Variants in COPRS observed in about 807,000 individuals in gnomAD.
COPRS encodes coordinator of PRMT5 and differentiation stimulator, also known as cooperator of PRMT5.
A neutral mutation model predicts 19.9 loss-of-function variants in COPRS; 11 were observed. The ratio of observed to expected loss-of-function variants is 0.55; its 90% CI spans 0.35 to 0.92. The LOEUF (loss-of-function observed/expected upper bound fraction) is 0.92. Among genes scored for constraint, COPRS ranks in the 40% least tolerant of loss-of-function variants. The probability of loss-of-function intolerance (pLI) is 0.01; values close to 1 mark genes in which losing one functional copy is unlikely to be tolerated. For missense variants in COPRS, 225 were observed against 229.9 expected, an observed-to-expected ratio of 0.98 and a Z score of 0.14; for synonymous variants, 81 against 82.7, an observed-to-expected ratio of 0.98 and a Z score of 0.11.
Position 31,852,106 on chromosome 17 carries a change from G to A in COPRS, c.*33C>T, listed in dbSNP as rs1909182015. On this transcript the variant is annotated 3_prime_UTR_variant, in exon 4 of 4. Transcript: ENST00000302362. ...CAGGAAAAGAGATCTTGACGTGGAG[G>A]CCCGCCCACCTACAAGGCAGAAAGC... The A allele has an allele frequency of 6.2e-7, 1 of 1,612,110 alleles. No homozygotes were observed. The highest frequency in any genetic ancestry group is 8.5e-7 in the Non-Finnish European group (1 of 1,179,410).
At position 31,853,102 on chromosome 17, in the gene COPRS, G is replaced by A. The variant is rs576594442; in HGVS notation, c.167-72C>T. ...CCTGCTCTGTGCTCAGTAAATTTTG[G>A]GCAGACTTACTACGAAGGTAGTAAA... On this transcript the variant is annotated intron_variant, in intron 2 of 3. Transcript: ENST00000302362. 6 of 1,171,640 alleles carry A rather than the reference G, an allele frequency of 5.1e-6. No homozygotes were observed. The African/African-American group carries it at 9.1e-5, about 18-fold the overall frequency. 72.6% of individuals were successfully genotyped at this position (1,171,640 alleles called of 1,614,324 possible).
In COPRS at chr17:31,852,300, C is replaced by T. The variant is rs202013617; in HGVS notation, c.394G>A (p.Asp132Asn). The T allele has an allele frequency of 6.9e-6, 11 of 1,604,420 alleles. No homozygotes were observed. The highest frequency in any genetic ancestry group is 1.7e-5 in the Admixed American group (1 of 58,228). The change falls in exon 4 of 4, where the codon GAC (aspartate) becomes AAC (asparagine). Residue 132 changes from aspartate (D) to asparagine (N), a missense_variant. Asp to Asn is a conservative substitution (Grantham distance 23, BLOSUM62 1). Around this residue, in one of 3 missense-constraint regions of COPRS, gnomAD observed 170 missense variants for 171.4 expected, o/e 0.99. Transcript: ENST00000302362. ...TCTTGAGAAATGCTCTCCTGGATGTCGTCAGCATCTGCAGGCAGTTTTAAA... is the reference window on the plus strand; with the variant it reads ...TCTTGAGAAATGCTCTCCTGGATGTTGTCAGCATCTGCAGGCAGTTTTAAA... ...ADQGNPYDAD[D>N]IQESISQELK...
chr17:31,852,864 AAGATC>A lies in COPRS; in HGVS notation c.328_332del (p.Asp110PhefsTer2). ...ACTCCGAGTCCCAGTCCTCATTAAAAAGATCGCCAGGCTGTTCCTTGGGTGGACAG... is the reference window on the plus strand; with the variant it reads ...ACTCCGAGTCCCAGTCCTCATTAAAAGCCAGGCTGTTCCTTGGGTGGACAG... On this transcript the variant is annotated frameshift_variant, in exon 3 of 4. Coordinates refer to ENST00000302362, the MANE Select transcript of COPRS (RefSeq NM_018405.4). LOFTEE classifies it high-confidence loss of function. 6.2e-7 allele frequency: 1 copy of A among 1,614,200 alleles called. No homozygotes were observed. The highest frequency in any genetic ancestry group is 8.5e-7 in the Non-Finnish European group (1 of 1,180,018).
At position 31,856,805 on chromosome 17, in the gene COPRS, G is replaced by C; in HGVS notation, c.160C>G (p.Arg54Gly). 1.9e-6 allele frequency: 3 copies of C among 1,600,160 alleles called. No homozygotes were observed. Among genetic ancestry groups the C allele is most frequent in the Non-Finnish European group, 2.6e-6 (3 of 1,167,512 alleles). ...QERETEKAMD[R>G]LARGTQSIPN... is the part of the protein sequence containing the mutation. Reference sequence around the variant, plus strand: ...GTCTCTGCCATCTACTTGCCTAGTCGATCCATAGCCTTCTCAGTCTCTCTC... The same window carrying C: ...GTCTCTGCCATCTACTTGCCTAGTCCATCCATAGCCTTCTCAGTCTCTCTC... Residue 54 changes from arginine to glycine, a missense_variant, in exon 2 of 4, where the codon CGA becomes GGA. By Grantham distance (125) the Arg-to-Gly change is moderately radical. Transcript: ENST00000302362.
chr17:31,855,583 G>A (rs933693751), intron 2 of COPRS, among the ~76,000 whole-genome samples: 1 of 152,150 alleles, frequency 6.6e-6, no homozygotes, highest in Non-Finnish European at 1.5e-5. Flanking sequence ...CTACTCAGGA[G>A]GCTGAGGCAC....
At chr17:31,857,298 T>C (rs1254633630) in intron 1 of COPRS, among the ~76,000 whole-genome samples, 2 of 152,198 alleles carry the variant, frequency 1.3e-5, no homozygotes, top group East Asian at 3.8e-4. Context: ...GCCTTTTCCC[T>C]AAGCTTTTAA....
At chr17:31,856,234 CT>C (rs1301211568) in intron 2 of COPRS, among the ~76,000 whole-genome samples, 2 of 152,042 alleles carry the variant, frequency 1.3e-5, no homozygotes, top group Non-Finnish European at 2.9e-5. Context: ...ACTCGGGAGG[CT>C]GAGGCAGGAG....
Position 31,851,912 on chromosome 17 carries a change from T to C in COPRS, c.*227A>G, listed in dbSNP as rs1909175195. The C allele has an allele frequency of 5.8e-6, 3 of 515,490 alleles. No homozygotes were observed. Among genetic ancestry groups the C allele is most frequent in the Admixed American group, 3.5e-5 (1 of 28,254 alleles). The allele number at this position is 515,490 out of a possible 1,614,324, so 31.9% of individuals were successfully genotyped here. A position where few individuals can be genotyped will look rare whatever the true frequency, so the allele number is the denominator to read the frequency against. On this transcript the variant is annotated 3_prime_UTR_variant, in exon 4 of 4. Transcript: ENST00000302362. ...TTATTTACAAAGAACACAACTCCTC[T>C]TGACACAAACACACACACATTTCAA...
At chr17:31,858,705 G>C in intron 1 of COPRS, 1 of 1,515,714 alleles carries the variant, frequency 6.6e-7, no homozygotes, top group Non-Finnish European at 9.0e-7. Flanking sequence ...CCCCACCAAC[G>C]GACAGAGGTC....
rs1205341583 is a variant in COPRS, at chr17:31,859,053, C to A, written c.99+48G>T. On this transcript the variant is annotated intron_variant, in intron 1 of 3. Transcript: ENST00000302362. ...CCCAGCCCGGCCCCGCGACTTCCCGCCCCAGGCTGCGGCTGGCTGTTGCTC... is the reference window on the plus strand; with the variant it reads ...CCCAGCCCGGCCCCGCGACTTCCCGACCCAGGCTGCGGCTGGCTGTTGCTC... The A allele has an allele frequency of 6.1e-6, 7 of 1,155,682 alleles. No individual in the cohort carries two copies. In the South Asian group the frequency reaches 2.3e-4, roughly 39 times the overall value. 71.6% of individuals were successfully genotyped at this position (1,155,682 alleles called of 1,614,324 possible).
At chr17:31,855,306 T>C (rs1339685801) in intron 2 of COPRS, among the ~76,000 whole-genome samples, 3 of 151,824 alleles carry the variant, frequency 2.0e-5, no homozygotes, top group Admixed American at 1.3e-4. Flanking sequence ...GGTCAGGAGA[T>C]CGAGACCATC....
In COPRS at chr17:31,856,951, C is replaced by CT. The variant is rs57307641; in HGVS notation, c.100-87dup. 3,428 of 811,882 alleles carry CT rather than the reference C, an allele frequency of 4.2e-3. 104 individuals carry two copies. The East Asian group carries it at 0.067, about 16-fold the overall frequency. 50.3% of individuals were successfully genotyped at this position (811,882 alleles called of 1,614,324 possible). ...CTATTGCATCTCAACCCCACCCACT[C>CT]TTCCATACTCCCCTTGGTGATGCAG... is the stretch of plus-strand genomic sequence containing the variant. On this transcript the variant is annotated intron_variant, in intron 1 of 3. Coordinates refer to ENST00000302362, the MANE Select transcript of COPRS (RefSeq NM_018405.4).
rs1210071657 is a variant in COPRS, at chr17:31,853,015, C to T, written c.182G>A (p.Ser61Asn). Reference sequence around the variant, plus strand: ...CCGGGCAGGACTGTCATTAGGAATGCTCTGTGTTCCACGGGCTAAATTGAC... The same window carrying T: ...CCGGGCAGGACTGTCATTAGGAATGTTCTGTGTTCCACGGGCTAAATTGAC... ...AMDRLARGTQSIPNDSPARGE... is the reference protein window; with the variant it reads ...AMDRLARGTQNIPNDSPARGE... The change falls in exon 3 of 4, where the codon AGC becomes AAC. Residue 61 changes from serine to asparagine, a missense_variant. Physicochemically the swap from Ser to Asn is conservative, Grantham distance 46. This residue lies in a region of COPRS where 170 missense variants were observed against 171.4 expected (regional missense o/e 0.99). Transcript: ENST00000302362. 3 of 1,613,560 alleles carry T rather than the reference C, an allele frequency of 1.9e-6. No individual in the cohort carries two copies. The highest frequency in any genetic ancestry group is 3.3e-5 in the Admixed American group (2 of 59,994).
chr17:31,856,045 T>C (rs1307161423), intron 2 of COPRS, among the ~76,000 whole-genome samples: 1 of 150,114 alleles, frequency 6.7e-6, no homozygotes, highest in Non-Finnish European at 1.5e-5. Context: ...CATGCCTTTG[T>C]AATCCCAGCA....
chr17:31,859,124 G>T lies in COPRS; in HGVS notation c.76C>A (p.Arg26=). The change falls in exon 1 of 4, where the codon CGG becomes AGG. Residue 26 remains arginine, a synonymous_variant. Coordinates refer to ENST00000302362, the MANE Select transcript of COPRS (RefSeq NM_018405.4). The stretch of plus-strand genomic sequence containing the variant: ...ACCTCCGGGCTGGGGGGCGCCCCCC[G>T]CGCGCTAGGCAGCGGCGGGCCCCGA... ...PSRGPPLPSA[R]GAPPSPEAGF... The T allele has an allele frequency of 9.2e-7, 1 of 1,083,944 alleles. No homozygotes were observed. Among genetic ancestry groups the T allele is most frequent in the Non-Finnish European group, 1.1e-6 (1 of 896,686 alleles). 67.1% of individuals were successfully genotyped at this position (1,083,944 alleles called of 1,614,324 possible). A position where few individuals can be genotyped will look rare whatever the true frequency, so the allele number is the denominator to read the frequency against.
intron 1 of COPRS, among the ~76,000 whole-genome samples, chr17:31,857,380 A>G (rs1909394950): frequency 2.0e-5 from 3 of 152,212 alleles, no homozygotes; most frequent in Admixed American, 2.0e-4. Flanking sequence ...TGCCACCCCC[A>G]GGTACACGTT....
intron 2 of COPRS, among the ~76,000 whole-genome samples, chr17:31,855,310 G>A (rs1399811269): frequency 2.6e-5 from 4 of 152,106 alleles, no homozygotes; most frequent in African/African-American, 9.7e-5. Context: ...AGGAGATCGA[G>A]ACCATCCTAA....
At chr17:31,853,695 T>C (rs1260452444) in intron 2 of COPRS, among the ~76,000 whole-genome samples, 2 of 152,158 alleles carry the variant, frequency 1.3e-5, no homozygotes, top group Admixed American at 6.5e-5. Flanking sequence ...TGCTCTTTTA[T>C]TCCTCCCTTC....
Position 31,858,508 on chromosome 17 carries a change from C to A in COPRS, c.99+593G>T, listed in dbSNP as rs930343163. 6.5e-6 allele frequency: 4 copies of A among 612,950 alleles called. No individual in the cohort carries two copies. In the African/African-American group the frequency reaches 8.0e-5, roughly 12 times the overall value. The allele number at this position is 612,950 out of a possible 1,614,324, so 38.0% of individuals were successfully genotyped here. A position where few individuals can be genotyped will look rare whatever the true frequency, so the allele number is the denominator to read the frequency against. On this transcript the variant is annotated intron_variant, in intron 1 of 3. Transcript: ENST00000302362. ...CAAGCCGCTCAGCACCTAGCCGGTA[C>A]AGACTGTAAACAAGGACAGGTAAGA...
Sources: allele counts gnomAD v4.1 joint callset (sites outside exome capture counted in the v4.1 genomes callset), GRCh38; gene constraint gnomAD v4.1.1; regional missense constraint gnomAD v4.1.1; transcripts MANE v1.5; gene names NCBI Gene and HGNC (gene_info 2026-07-23, HGNC 2026-07-21).